The following PCDHGA7 variants were observed in gnomAD, a reference collection of about 807,000 sequenced individuals.
PCDHGA7 encodes protocadherin gamma-A7.
In PCDHGA7, 44 loss-of-function variants were observed where a neutral mutation model predicts 58.3. That is an observed-to-expected ratio of 0.75 (90% CI 0.59 to 0.97). PCDHGA7 has a LOEUF of 0.97. PCDHGA7 is among the 50% of genes least tolerant of loss of function. The pLI is 0.00. For missense variants in PCDHGA7, 1,266 were observed against 1,188.7 expected (o/e 1.06, Z -0.96); for synonymous variants, 516 against 504.2 (o/e 1.02, Z -0.31).
chr5:141,415,744 T>TG (rs2095925177), intron 1 of PCDHGA7: 4 of 404,428 alleles, frequency 9.9e-6, no homozygotes, highest in Admixed American at 2.1e-4. Flanking sequence ...ATTAAGGTTT[T>TG]TTTTTTTTTT....
intron 2 of PCDHGA7, among the ~76,000 whole-genome samples, chr5:141,498,009 C>T (rs1160103624): frequency 6.6e-6 from 1 of 152,146 alleles, no homozygotes; most frequent in African/African-American, 2.4e-5. Context: ...TTACAGTGCA[C>T]TGAAGGAGAC....
chr5:141,485,687 C>T lies in PCDHGA7; in HGVS notation c.2425-9120C>T. 1 of 1,614,066 alleles carries T rather than the reference C, an allele frequency of 6.2e-7. No individual in the cohort carries two copies. Among genetic ancestry groups the T allele is most frequent in the Non-Finnish European group, 8.5e-7 (1 of 1,179,966 alleles). ...GAGCAATTCGATTAGCAGCTATAGG[C>T]TGAGCTCCAATGAACACTTTGCACT... On this transcript the variant is annotated intron_variant, in intron 1 of 3. Transcript: ENST00000518325. The surrounding 1 kb of genome is among the most constrained non-coding windows in gnomAD (Gnocchi z 5.7).
rs2094321391 is a variant in PCDHGA7, at chr5:141,402,912, G to GCTTCATCA, written c.2424+17590_2424+17591insTTCATCAC. ...AAGAAAGAACCTGATGAAGCAGCGCGCACAGAGATCCTTTTGAGAAAATTC... is the reference window on the plus strand; with the variant it reads ...AAGAAAGAACCTGATGAAGCAGCGCGCTTCATCACACAGAGATCCTTTTGAGAAAATTC... On this transcript the variant is annotated intron_variant, in intron 1 of 3. Coordinates refer to ENST00000518325, the MANE Select transcript of PCDHGA7 (RefSeq NM_018920.4). 6 of 1,553,880 alleles carry GCTTCATCA rather than the reference G, an allele frequency of 3.9e-6. No individual in the cohort carries two copies. In the African/African-American group the frequency reaches 8.2e-5, roughly 21 times the overall value.
At chr5:141,418,603 G>A (rs769167342) in intron 1 of PCDHGA7, 7 of 1,613,902 alleles carry the variant, frequency 4.3e-6, no homozygotes, top group East Asian at 4.5e-5. Context: ...ACGTGTACAG[G>A]GTTAGCCTTC....
At chr5:141,398,534 A>T in intron 1 of PCDHGA7, 1 of 1,613,768 alleles carries the variant, frequency 6.2e-7, no homozygotes, top group South Asian at 1.1e-5. Flanking sequence ...TTCACGCAAA[A>T]TTCCTTTGAG....
chr5:141,470,476 A>G (rs1009129571), intron 1 of PCDHGA7, among the ~76,000 whole-genome samples: 7 of 152,128 alleles, frequency 4.6e-5, no homozygotes, highest in African/African-American at 1.7e-4. Context: ...GATATTACTA[A>G]CCCTCTGGGA....
At chr5:141,409,520 T>TTG (rs767613304) in intron 1 of PCDHGA7, 2 of 1,613,966 alleles carry the variant, frequency 1.2e-6, no homozygotes, top group East Asian at 4.5e-5. Flanking sequence ...AAGCATCACC[T>TTG]TGTATGTCGC....
Position 141,420,177 on chromosome 5 carries a change from A to G in PCDHGA7, c.2424+34854A>G, listed in dbSNP as rs1188698450. The G allele has an allele frequency of 2.5e-6, 4 of 1,613,992 alleles. No homozygotes were observed. Among genetic ancestry groups the G allele is most frequent in the South Asian group, 2.2e-5 (2 of 91,086 alleles). ...TTTAATTTTTTCACATCTGTTGATC[A>G]TTGTCCAGCCACACAAGATAACCTC... On this transcript the variant is annotated intron_variant, in intron 1 of 3. Coordinates refer to ENST00000518325, the MANE Select transcript of PCDHGA7 (RefSeq NM_018920.4).
At position 141,486,996 on chromosome 5, in the gene PCDHGA7, A is replaced by G; in HGVS notation, c.2425-7811A>G. ...TCAGGTTACAATGCTTGGGTTTCCT[A>G]TCAGCTCCTGGAGGCCCCAGATCCC... On this transcript the variant is annotated intron_variant, in intron 1 of 3. Coordinates refer to ENST00000518325, the MANE Select transcript of PCDHGA7 (RefSeq NM_018920.4). This position sits in a 1 kb window ranked among gnomAD's most constrained non-coding sequence, Gnocchi z 5.0. 6.2e-7 allele frequency: 1 copy of G among 1,614,152 alleles called. No individual in the cohort carries two copies. Among genetic ancestry groups the G allele is most frequent in the Non-Finnish European group, 8.5e-7 (1 of 1,180,032 alleles).
intron 1 of PCDHGA7, chr5:141,392,261 A>C (rs2150475228): frequency 6.6e-6 from 1 of 152,338 alleles, no homozygotes; most frequent in Admixed American, 6.5e-5. Flanking sequence ...TATTGGAGAC[A>C]TTTACAATAA....
chr5:141,511,400 T>A lies in PCDHGA7; in HGVS notation c.*227T>A, dbSNP rs1208021848. On this transcript the variant is annotated 3_prime_UTR_variant, in exon 4 of 4. Coordinates refer to ENST00000518325, the MANE Select transcript of PCDHGA7 (RefSeq NM_018920.4). ...AGTTCCGCTGGGAACCCCCATCCAA[T>A]CAACTGCTGTACCCATGGGGGTAGT... 1.1e-5 allele frequency: 11 copies of A among 982,132 alleles called. No individual in the cohort carries two copies. Among genetic ancestry groups the A allele is most frequent in the African/African-American group, 3.3e-5 (2 of 60,924 alleles). 60.8% of individuals were successfully genotyped at this position (982,132 alleles called of 1,614,324 possible).
chr5:141,438,767 T>C (rs1478209487), intron 1 of PCDHGA7, among the ~76,000 whole-genome samples: 2 of 148,566 alleles, frequency 1.3e-5, no homozygotes, highest in Non-Finnish European at 3.0e-5. Flanking sequence ...GTTCAAGCGA[T>C]TCTCCTGCCT....
chr5:141,405,494 A>G, intron 1 of PCDHGA7: 1 of 840,532 alleles, frequency 1.2e-6, no homozygotes, highest in Non-Finnish European at 1.8e-6. Context: ...ATCTCGGCTC[A>G]TTGCAACCTC....
chr5:141,404,075 G>C (rs2154534954), intron 1 of PCDHGA7: 2 of 1,613,660 alleles, frequency 1.2e-6, no homozygotes, highest in East Asian at 2.2e-5. Flanking sequence ...TCATGACCGA[G>C]ACTCCGGGAA....
intron 1 of PCDHGA7, among the ~76,000 whole-genome samples, chr5:141,494,199 G>A (rs1033914239): frequency 1.3e-5 from 2 of 152,160 alleles, no homozygotes; most frequent in South Asian, 2.1e-4. Context: ...TGGATGCCCC[G>A]CAAAGGCCCA....
At position 141,399,929 on chromosome 5, in the gene PCDHGA7, C is replaced by T. The variant is rs746168026; in HGVS notation, c.2424+14606C>T. 15 of 1,612,262 alleles carry T rather than the reference C, an allele frequency of 9.3e-6. No homozygotes were observed. The African/African-American group carries it at 1.1e-4, about 11-fold the overall frequency. On this transcript the variant is annotated intron_variant, in intron 1 of 3. Coordinates refer to ENST00000518325, the MANE Select transcript of PCDHGA7 (RefSeq NM_018920.4). ...GACTCAGGACACAACGCCTGGCTGT[C>T]CTACCACGTGCTGCAGGCTAGCGAG...
chr5:141,399,442 A>G, intron 1 of PCDHGA7: 1 of 1,613,996 alleles, frequency 6.2e-7, no homozygotes. Context: ...CCTACATATC[A>G]GAGACGTCAA....
At chr5:141,399,720 C>G (rs1217371004) in intron 1 of PCDHGA7, 2 of 1,613,306 alleles carry the variant, frequency 1.2e-6, no homozygotes, top group South Asian at 2.2e-5. Context: ...TACAGGCCCG[C>G]GACCAGGGCT....
chr5:141,401,189 A>G (rs2094126174), intron 1 of PCDHGA7, among the ~76,000 whole-genome samples: 1 of 152,144 alleles, frequency 6.6e-6, no homozygotes, highest in South Asian at 2.1e-4. Context: ...TAAAAATACA[A>G]AAATTAGCTG....
Sources: allele counts gnomAD v4.1 joint callset (sites outside exome capture counted in the v4.1 genomes callset), GRCh38; gene constraint gnomAD v4.1.1; non-coding constraint Gnocchi (gnomAD v3.1); transcripts MANE v1.5; gene names NCBI Gene and HGNC (gene_info 2026-07-23, HGNC 2026-07-21).